CNTNAP2: variants seen among roughly 807,000 people sequenced by gnomAD.
CNTNAP2 encodes the protein contactin-associated protein-like 2.
A neutral mutation model predicts 155.2 loss-of-function variants in CNTNAP2; 98 were observed. The ratio of observed to expected loss-of-function variants is 0.63; its 90% CI spans 0.54 to 0.75. The LOEUF is 0.75. CNTNAP2 is among the 30% of genes least tolerant of loss of function. The probability of loss-of-function intolerance (pLI) is 0.00; values close to 1 mark genes in which losing one functional copy is unlikely to be tolerated. For missense variants in CNTNAP2, 1,727 were observed against 1,688.1 expected, an observed-to-expected ratio of 1.02 and a Z score of -0.40; for synonymous variants, 651 against 631.2, an observed-to-expected ratio of 1.03 and a Z score of -0.47.
intron 13 of CNTNAP2, among the ~76,000 whole-genome samples, chr7:147,882,503 G>T (rs1799537720): frequency 6.6e-6 from 1 of 152,196 alleles, no homozygotes; most frequent in African/African-American, 2.4e-5. Context: ...GAGTTACTTT[G>T]TGAGCCTCTA....
chr7:148,192,445 A>G (rs1340693094), intron 18 of CNTNAP2, among the ~76,000 whole-genome samples: 1 of 152,166 alleles, frequency 6.6e-6, no homozygotes, highest in Non-Finnish European at 1.5e-5. Flanking sequence ...AAATGATTAC[A>G]GAAAAACGCA....
At chr7:147,770,714 G>A (rs80218144) in intron 13 of CNTNAP2, among the ~76,000 whole-genome samples, 3,016 of 152,196 alleles carry the variant, frequency 0.02, 39 homozygotes, top group African/African-American at 0.03. Context: ...ATAAAAGATC[G>A]AAATAAATAG....
chr7:147,111,137 A>AT (rs890650800), intron 5 of CNTNAP2, among the ~76,000 whole-genome samples: 3 of 151,832 alleles, frequency 2.0e-5, no homozygotes, highest in Admixed American at 6.6e-5. Flanking sequence ...TGATGTAGAG[A>AT]TTTTTTTTCA....
chr7:146,613,179 A>G (rs1230847496), intron 1 of CNTNAP2, among the ~76,000 whole-genome samples: 1 of 152,108 alleles, frequency 6.6e-6, no homozygotes, highest in Non-Finnish European at 1.5e-5. Context: ...AAAACCTCCA[A>G]TGTCACAGGG....
intron 8 of CNTNAP2, among the ~76,000 whole-genome samples, chr7:147,242,798 T>C (rs1402890480): frequency 2.0e-5 from 3 of 152,034 alleles, no homozygotes; most frequent in African/African-American, 7.2e-5. Flanking sequence ...CCACTCTACC[T>C]TCCTCCTAAG....
intron 3 of CNTNAP2, among the ~76,000 whole-genome samples, chr7:146,896,533 C>T (rs1187747389): frequency 1.3e-5 from 2 of 152,058 alleles, no homozygotes; most frequent in African/African-American, 4.8e-5. Context: ...GAGAGCTATA[C>T]TGTATGTCTT....
At chr7:146,374,735 A>G (rs551128518) in intron 1 of CNTNAP2, among the ~76,000 whole-genome samples, 53 of 152,182 alleles carry the variant, frequency 3.5e-4, no homozygotes, top group Non-Finnish European at 6.6e-4. Context: ...TTTAAAATCT[A>G]TTTGTGAGTT....
At chr7:147,328,132 G>T (rs1464705168) in intron 9 of CNTNAP2, among the ~76,000 whole-genome samples, 2 of 152,104 alleles carry the variant, frequency 1.3e-5, no homozygotes, top group Non-Finnish European at 2.9e-5. Context: ...AAGAAGCAAG[G>T]TGGGCTACTT....
chr7:148,081,246 G>A (rs1424275746), intron 15 of CNTNAP2, among the ~76,000 whole-genome samples: 1 of 152,200 alleles, frequency 6.6e-6, no homozygotes, highest in Non-Finnish European at 1.5e-5. Flanking sequence ...AGGGGGACCT[G>A]AGAAAGCTTC....
chr7:148,151,269 C>G (rs953766576), intron 17 of CNTNAP2, among the ~76,000 whole-genome samples: 1 of 152,066 alleles, frequency 6.6e-6, no homozygotes, highest in African/African-American at 2.4e-5. Flanking sequence ...AGTGCCTCGC[C>G]TAGGGCCCAT....
At chr7:147,336,958 G>A (rs998025131) in intron 9 of CNTNAP2, among the ~76,000 whole-genome samples, 1 of 152,066 alleles carries the variant, frequency 6.6e-6, no homozygotes, top group Non-Finnish European at 1.5e-5. Flanking sequence ...TATCAGCCAA[G>A]TTATGTCCCC....
chr7:147,469,444 A>AATT (rs1798174361), intron 10 of CNTNAP2, among the ~76,000 whole-genome samples: 1 of 150,858 alleles, frequency 6.6e-6, no homozygotes, highest in Non-Finnish European at 1.5e-5. Flanking sequence ...CCTTCACTGC[A>AATT]TTTTAGCAGA....
At chr7:147,598,932 T>C (rs1800883656) in intron 12 of CNTNAP2, among the ~76,000 whole-genome samples, 1 of 152,144 alleles carries the variant, frequency 6.6e-6, no homozygotes, top group South Asian at 2.1e-4. Flanking sequence ...CTGTGATGAT[T>C]ATAAGTTTCC....
Position 146,821,035 on chromosome 7 carries a change from C to T in CNTNAP2, c.209-18676C>T, listed in dbSNP as rs1242917176. 3.3e-5 allele frequency among the ~76,000 whole-genome samples: 5 copies of T among 152,204 alleles called. No homozygotes were observed. The South Asian group carries it at 8.3e-4, about 25-fold the overall frequency. ...TTGCTTGGTAGATCTTCCTCCATCC[C>T]TTTATTTTGAGCCTATGTGTGTGTC... On this transcript the variant is annotated intron_variant, in intron 2 of 23. Transcript: ENST00000361727.
Position 146,641,038 on chromosome 7 carries a change from C to T in CNTNAP2, c.98-133233C>T, listed in dbSNP as rs1417416959. Among the ~76,000 whole-genome samples, 6 of 152,116 alleles carry T rather than the reference C, an allele frequency of 3.9e-5. No homozygotes were observed. In the East Asian group the frequency reaches 1.2e-3, roughly 29 times the overall value. Reference sequence around the variant, plus strand: ...CCAATAGTTTGCAATTGAAAAGAGACAAACTTGTCCAGGCACGGTGGCTCG... The same window carrying T: ...CCAATAGTTTGCAATTGAAAAGAGATAAACTTGTCCAGGCACGGTGGCTCG... On this transcript the variant is annotated intron_variant, in intron 1 of 23. Coordinates refer to ENST00000361727, the MANE Select transcript of CNTNAP2 (RefSeq NM_014141.6).
intron 1 of CNTNAP2, among the ~76,000 whole-genome samples, chr7:146,154,247 T>A (rs567882679): frequency 3.3e-5 from 5 of 152,322 alleles, no homozygotes; most frequent in African/African-American, 1.2e-4. Flanking sequence ...AATATAGTGA[T>A]GTATATGTGG....
intron 8 of CNTNAP2, among the ~76,000 whole-genome samples, chr7:147,229,497 A>G (rs1476916507): frequency 6.6e-6 from 1 of 152,218 alleles, no homozygotes; most frequent in Non-Finnish European, 1.5e-5. Flanking sequence ...CCTCTATACT[A>G]TAAGTTACAC....
intron 1 of CNTNAP2, among the ~76,000 whole-genome samples, chr7:146,310,513 T>C (rs1800800910): frequency 6.6e-6 from 1 of 152,284 alleles, no homozygotes; most frequent in South Asian, 2.1e-4. Context: ...ACTATAATTG[T>C]ACTATTTTCC....
At chr7:147,294,358 C>T (rs1030353803) in intron 8 of CNTNAP2, among the ~76,000 whole-genome samples, 6 of 152,190 alleles carry the variant, frequency 3.9e-5, no homozygotes, top group African/African-American at 1.4e-4. Flanking sequence ...GCACAGGCAA[C>T]TTTAATGTCA....
Sources: allele counts gnomAD v4.1 joint callset (sites outside exome capture counted in the v4.1 genomes callset), GRCh38; gene constraint gnomAD v4.1.1; transcripts MANE v1.5; gene names NCBI Gene and HGNC (gene_info 2026-07-23, HGNC 2026-07-21).